Variants in EYS observed in about 807,000 individuals in gnomAD.
EYS encodes EGF-like photoreceptor maintenance factor.
Under a neutral mutation model 282.1 loss-of-function variants are expected in EYS, and 250 were observed. The observed-to-expected ratio is 0.89, with a 90% CI of 0.80 to 0.98. The LOEUF (loss-of-function observed/expected upper bound fraction) is 0.98, where lower values mean the gene tolerates loss of function less well. EYS is among the 50% of genes least tolerant of loss of function. The pLI is 0.00. For missense variants in EYS, 4,016 were observed against 3,709.0 expected, an observed-to-expected ratio of 1.08 and a Z score of -2.15; for synonymous variants, 1,355 against 1,282.9, an observed-to-expected ratio of 1.06 and a Z score of -1.20.
At chr6:64,391,370 A>G (rs1358968832) in intron 28 of EYS, among the ~76,000 whole-genome samples, 1 of 152,216 alleles carries the variant, frequency 6.6e-6, no homozygotes, top group Non-Finnish European at 1.5e-5. Flanking sequence ...AAGGGCAGCC[A>G]GAGAGAAAGG....
At chr6:63,840,925 G>C (rs1771939548) in intron 36 of EYS, among the ~76,000 whole-genome samples, 1 of 152,088 alleles carries the variant, frequency 6.6e-6, no homozygotes, top group South Asian at 2.1e-4. Flanking sequence ...GTACCTTGCT[G>C]TTTTGGTTAC....
chr6:64,204,623 A>G (rs1445667364), intron 31 of EYS, among the ~76,000 whole-genome samples: 1 of 152,198 alleles, frequency 6.6e-6, no homozygotes, highest in Admixed American at 6.5e-5. Flanking sequence ...AGTTTCATTT[A>G]TATGAAGTTC....
At chr6:63,983,067 T>G (rs1767176960) in intron 35 of EYS, among the ~76,000 whole-genome samples, 1 of 151,806 alleles carries the variant, frequency 6.6e-6, no homozygotes, top group African/African-American at 2.4e-5. Context: ...TAAAGCAAAA[T>G]ACTTATTGAG....
intron 26 of EYS, among the ~76,000 whole-genome samples, chr6:64,577,243 C>T (rs114602526): frequency 9.9e-5 from 15 of 152,140 alleles, no homozygotes; most frequent in Admixed American, 2.0e-4. Flanking sequence ...TTGTGGCAGA[C>T]CTAGAAGACT....
intron 12 of EYS, among the ~76,000 whole-genome samples, chr6:65,198,500 AT>A (rs999920333): frequency 4.0e-5 from 6 of 151,684 alleles, no homozygotes; most frequent in East Asian, 1.9e-4. Flanking sequence ...TGCAGCAGGG[AT>A]TTTTTTTTAC....
At chr6:63,882,312 C>T (rs944162704) in intron 35 of EYS, among the ~76,000 whole-genome samples, 8 of 152,184 alleles carry the variant, frequency 5.3e-5, no homozygotes, top group Non-Finnish European at 1.0e-4. Context: ...TAGCTTCATA[C>T]AAATTTTTTT....
At position 65,627,364 on chromosome 6, in the gene EYS, T is replaced by C. The variant is rs933050513; in HGVS notation, c.-333+12414A>G. ...ATGGTACTGAGAGGTGACAGCGTGCTGGCAGTCCTCACATCCCTCGCTCGC... is the reference window on the plus strand; with the variant it reads ...ATGGTACTGAGAGGTGACAGCGTGCCGGCAGTCCTCACATCCCTCGCTCGC... On this transcript the variant is annotated intron_variant, in intron 2 of 42. Coordinates refer to ENST00000503581, the MANE Select transcript of EYS (RefSeq NM_001142800.2). 5.3e-4 allele frequency among the ~76,000 whole-genome samples: 80 copies of C among 151,774 alleles called. 1 individual carries two copies. Among genetic ancestry groups the C allele is most frequent in the African/African-American group, 1.8e-3 (76 of 41,306 alleles).
chr6:64,838,176 A>C (rs1244923296), intron 19 of EYS, among the ~76,000 whole-genome samples: 1 of 151,834 alleles, frequency 6.6e-6, no homozygotes, highest in African/African-American at 2.4e-5. Context: ...TTAGTTTTAC[A>C]TGTATTTCAT....
intron 12 of EYS, among the ~76,000 whole-genome samples, chr6:65,214,935 A>G (rs1766273858): frequency 6.6e-6 from 1 of 152,146 alleles, no homozygotes; most frequent in Admixed American, 6.5e-5. Context: ...GGTTTACTCA[A>G]TATTTTAAGC....
intron 26 of EYS, among the ~76,000 whole-genome samples, chr6:64,457,455 T>C (rs1775591952): frequency 6.6e-6 from 1 of 152,004 alleles, no homozygotes; most frequent in Admixed American, 6.6e-5. Context: ...TTGCTAAAAG[T>C]GAGGCACTGA....
At chr6:64,420,189 TAC>T (rs765146550) in intron 28 of EYS, among the ~76,000 whole-genome samples, 68 of 152,100 alleles carry the variant, frequency 4.5e-4, no homozygotes, top group Non-Finnish European at 8.1e-4. Flanking sequence ...ACCTGGGGCT[TAC>T]ACCCTCTGAA....
At chr6:64,112,159 G>A (rs939821374) in intron 31 of EYS, among the ~76,000 whole-genome samples, 1 of 151,900 alleles carries the variant, frequency 6.6e-6, no homozygotes, top group African/African-American at 2.4e-5. Flanking sequence ...AATGAGAGAA[G>A]GCAAATTATA....
At chr6:64,726,084 C>T (rs2149947702) in intron 22 of EYS, among the ~76,000 whole-genome samples, 1 of 152,010 alleles carries the variant, frequency 6.6e-6, no homozygotes, top group Non-Finnish European at 1.5e-5. Flanking sequence ...TTTTGTCTCC[C>T]TCATTCTTTT....
chr6:63,946,031 C>T (rs780962765), intron 35 of EYS, among the ~76,000 whole-genome samples: 1 of 152,144 alleles, frequency 6.6e-6, no homozygotes, highest in Non-Finnish European at 1.5e-5. Flanking sequence ...TGCCACTAAA[C>T]GCTATAAATG....
intron 28 of EYS, among the ~76,000 whole-genome samples, chr6:64,429,272 T>C (rs867229916): frequency 6.6e-6 from 1 of 152,190 alleles, no homozygotes; most frequent in South Asian, 2.1e-4. Context: ...AATTATTTTG[T>C]GTTTAAAAAT....
chr6:64,642,626 G>A (rs1034670717), intron 22 of EYS, among the ~76,000 whole-genome samples: 1 of 152,134 alleles, frequency 6.6e-6, no homozygotes, highest in Admixed American at 6.5e-5. Context: ...TGCTTCCTGT[G>A]AGGAAAACTT....
chr6:64,191,124 T>G, intron 31 of EYS, among the ~76,000 whole-genome samples: 1 of 152,120 alleles, frequency 6.6e-6, no homozygotes, highest in East Asian at 1.9e-4. Flanking sequence ...CTTTGGTATA[T>G]ATATCTTCTT....
In EYS at chr6:64,219,821, C is replaced by T. The variant is rs138371534; in HGVS notation, c.6424+10771G>A. Among the ~76,000 whole-genome samples, 466 of 152,246 alleles carry T rather than the reference C, an allele frequency of 3.1e-3. 4 individuals are homozygous for T. Among genetic ancestry groups the T allele is most frequent in the African/African-American group, 0.011 (437 of 41,546 alleles). On this transcript the variant is annotated intron_variant, in intron 31 of 42. Coordinates refer to ENST00000503581, the MANE Select transcript of EYS (RefSeq NM_001142800.2). ...GATAGACTGGATTAAGAAAATGTAG[C>T]ACATATACACCATGGAACACTATGC...
intron 28 of EYS, among the ~76,000 whole-genome samples, chr6:64,434,137 A>C (rs549208702): frequency 7.0e-6 from 1 of 143,052 alleles, no homozygotes; most frequent in African/African-American, 3.0e-5. Context: ...GGAAATTAGG[A>C]GATAGACACA....
Sources: gnomAD v4.1 joint callset for allele counts (sites outside exome capture counted in the v4.1 genomes callset) on GRCh38, gnomAD v4.1.1 for gene constraint, MANE v1.5 for transcripts, NCBI Gene and HGNC (gene_info 2026-07-23, HGNC 2026-07-21) for gene names.